Variants in NACC2 observed in about 807,000 individuals in gnomAD.
NACC2 encodes the protein NACC family member 2.
A neutral mutation model predicts 25.1 loss-of-function variants in NACC2; 8 were observed. That is an observed-to-expected ratio of 0.32 (90% CI 0.19 to 0.57). The LOEUF is 0.57. Among genes scored for constraint, NACC2 ranks in the 20% least tolerant of loss-of-function variants. The pLI, the probability that NACC2 is intolerant of heterozygous loss-of-function variation, is 0.89. For missense variants in NACC2, 644 were observed against 650.2 expected, an observed-to-expected ratio of 0.99 and a Z score of 0.10; for synonymous variants, 435 against 294.7, an observed-to-expected ratio of 1.48 and a Z score of -4.88.
rs1470194977 is a variant in NACC2, at chr9:136,047,022, GGCC to G, written c.886+2611_886+2613del. ...CTCCGGGACCCTCGGCAATCGCTCA[GGCC>G]CGCCTCTCACTCAACAGGTAGGGAG... On this transcript the variant is annotated intron_variant, in intron 2 of 5. Coordinates refer to ENST00000277554, the MANE Select transcript of NACC2 (RefSeq NM_144653.5). Among the ~76,000 whole-genome samples, 3 of 152,150 alleles carry G rather than the reference GGCC, an allele frequency of 2.0e-5. No individual in the cohort carries two copies. The East Asian group carries it at 5.8e-4, about 29-fold the overall frequency.
At chr9:136,033,028 A>G (rs749850290) in intron 2 of NACC2, among the ~76,000 whole-genome samples, 3 of 151,556 alleles carry the variant, frequency 2.0e-5, no homozygotes, top group Non-Finnish European at 4.4e-5. Context: ...AAAAAAAAAT[A>G]AGTTGGGCAT....
intron 3 of NACC2, among the ~76,000 whole-genome samples, chr9:136,016,010 A>ATGGTT (rs1840196432): frequency 6.6e-6 from 1 of 152,164 alleles, no homozygotes; most frequent in Non-Finnish European, 1.5e-5. Context: ...TGTGACCTAA[A>ATGGTT]TTAAAACACA....
chr9:136,061,545 C>T (rs1166742387), intron 1 of NACC2, among the ~76,000 whole-genome samples: 1 of 152,140 alleles, frequency 6.6e-6, no homozygotes, highest in Admixed American at 6.5e-5. Flanking sequence ...GATGGATGGG[C>T]CGTGCTGATT....
chr9:136,080,564 C>G (rs545340684), intron 1 of NACC2, among the ~76,000 whole-genome samples: 1 of 151,994 alleles, frequency 6.6e-6, no homozygotes, highest in Admixed American at 6.5e-5. Flanking sequence ...AGCGAAACTC[C>G]ATCTCCCCAC....
intron 1 of NACC2, among the ~76,000 whole-genome samples, chr9:136,085,435 C>T (rs369568496): frequency 1.3e-5 from 2 of 151,090 alleles, no homozygotes; most frequent in African/African-American, 2.4e-5. Flanking sequence ...GGGGAGATCA[C>T]CTGAGCCCGA....
intron 2 of NACC2, among the ~76,000 whole-genome samples, chr9:136,048,264 C>G (rs1330349964): frequency 6.6e-6 from 1 of 152,202 alleles, no homozygotes; most frequent in Non-Finnish European, 1.5e-5. Flanking sequence ...GGTCCCCTGC[C>G]TTCCCTGGGG....
At position 136,015,208 on chromosome 9, in the gene NACC2, C is replaced by T. The variant is rs996876922; in HGVS notation, c.1051+1057G>A. On this transcript the variant is annotated intron_variant, in intron 3 of 5. Transcript: ENST00000277554. ...CACAGCTGCTGGAGGCTGGGATGACCGAGAGCATCTTCCTGGGACCACACC... is the reference window on the plus strand; with the variant it reads ...CACAGCTGCTGGAGGCTGGGATGACTGAGAGCATCTTCCTGGGACCACACC... Among the ~76,000 whole-genome samples, 6 of 152,208 alleles carry T rather than the reference C, an allele frequency of 3.9e-5. No homozygotes were observed. The South Asian group carries it at 6.2e-4, about 16-fold the overall frequency.
chr9:136,093,844 C>T (rs928681729), intron 1 of NACC2, among the ~76,000 whole-genome samples: 2 of 152,146 alleles, frequency 1.3e-5, no homozygotes, highest in African/African-American at 2.4e-5. Context: ...GCTGCCTGAA[C>T]CCTGACCTAA....
chr9:136,051,098 G>T (rs1447713612), intron 1 of NACC2, among the ~76,000 whole-genome samples: 1 of 152,174 alleles, frequency 6.6e-6, no homozygotes, highest in Non-Finnish European at 1.5e-5. Flanking sequence ...TCTTCCCTCC[G>T]AGCAGCCTCG....
chr9:136,028,376 CTTTT>C (rs756007174), intron 2 of NACC2, among the ~76,000 whole-genome samples: 6 of 133,186 alleles, frequency 4.5e-5, no homozygotes, highest in Admixed American at 7.6e-5. Context: ...CCTTTGCTTC[CTTTT>C]TTTTTTTTTT....
intron 1 of NACC2, among the ~76,000 whole-genome samples, chr9:136,057,443 C>G (rs894378031): frequency 1.3e-5 from 2 of 152,212 alleles, no homozygotes; most frequent in African/African-American, 4.8e-5. Flanking sequence ...CCCCAGCCAG[C>G]AGACCCACTG....
intron 2 of NACC2, among the ~76,000 whole-genome samples, chr9:136,040,723 G>A (rs939714921): frequency 9.8e-5 from 15 of 152,330 alleles, no homozygotes; most frequent in African/African-American, 3.4e-4. Flanking sequence ...ACTTTGGGAA[G>A]CCAAGGCAGG....
chr9:136,074,147 T>C (rs534156895), intron 1 of NACC2, among the ~76,000 whole-genome samples: 1 of 151,722 alleles, frequency 6.6e-6, no homozygotes, highest in East Asian at 2.0e-4. Flanking sequence ...ACAAATAATT[T>C]GTTAAAAAAT....
At chr9:136,035,069 G>A (rs1840531864) in intron 2 of NACC2, among the ~76,000 whole-genome samples, 1 of 152,194 alleles carries the variant, frequency 6.6e-6, no homozygotes, top group Admixed American at 6.5e-5. Context: ...ACTCCAGCCT[G>A]GGTGACAGAG....
rs35009638 is a variant in NACC2 at position 136,068,919 on chromosome 9, C to CTT, written c.-59-18341_-59-18340dup. ...TTAAAAGACAGAGATTGAAAGAATACTTTTTTTTTTTTTTAAAGATGGAGT... is the reference window on the plus strand; with the variant it reads ...TTAAAAGACAGAGATTGAAAGAATACTTTTTTTTTTTTTTTTAAAGATGGAGT... On this transcript the variant is annotated intron_variant, in intron 1 of 5. Transcript: ENST00000277554. 2.1e-3 allele frequency among the ~76,000 whole-genome samples: 308 copies of CTT among 144,728 alleles called. 2 individuals carry two copies. Among genetic ancestry groups the CTT allele is most frequent in the Middle Eastern group, 7.0e-3 (2 of 284 alleles). The allele number at this position is 144,728 out of a possible 152,430, so 94.9% of individuals were successfully genotyped here.
In NACC2 at chr9:136,093,946, G is replaced by A. The variant is rs774680007; in HGVS notation, c.-60+1243C>T. ...CCACTGGAGAACAGGAGGGAAGGAG[G>A]TCAGGAGCCTGCCAGACGAAAAGAG... On this transcript the variant is annotated intron_variant, in intron 1 of 5. Coordinates refer to ENST00000277554, the MANE Select transcript of NACC2 (RefSeq NM_144653.5). 3.4e-4 allele frequency among the ~76,000 whole-genome samples: 52 copies of A among 152,348 alleles called. 1 individual carries two copies. Among genetic ancestry groups the A allele is most frequent in the Non-Finnish European group, 6.0e-4 (41 of 68,036 alleles).
rs376139565 is a variant in NACC2, at chr9:136,018,417, T to C, written c.887-1988A>G. The stretch of plus-strand genomic sequence containing the variant: ...AACCTTGGTTTCTGAGGACCCCACA[T>C]CCTGAATCCACAGCGGGCGCCCCAC... On this transcript the variant is annotated intron_variant, in intron 2 of 5. Coordinates refer to ENST00000277554, the MANE Select transcript of NACC2 (RefSeq NM_144653.5). This position sits in a 1 kb window ranked among gnomAD's most constrained non-coding sequence, Gnocchi z 4.4. Among the ~76,000 whole-genome samples, 3 of 151,954 alleles carry C rather than the reference T, an allele frequency of 2.0e-5. No individual in the cohort carries two copies. The highest frequency in any genetic ancestry group is 4.8e-5 in the African/African-American group (2 of 41,348).
chr9:136,029,126 C>T (rs532159934), intron 2 of NACC2, among the ~76,000 whole-genome samples: 3 of 152,272 alleles, frequency 2.0e-5, no homozygotes, highest in Admixed American at 6.5e-5. Context: ...CTGTCAGTTC[C>T]GCAGACTGGA....
intron 3 of NACC2, among the ~76,000 whole-genome samples, chr9:136,015,230 C>T (rs1415250939): frequency 1.3e-5 from 2 of 152,246 alleles, no homozygotes; most frequent in Non-Finnish European, 2.9e-5. Context: ...CCTGGGACCA[C>T]ACCTATGTGA....
Sources: gnomAD v4.1 joint callset for allele counts (sites outside exome capture counted in the v4.1 genomes callset) on GRCh38, gnomAD v4.1.1 for gene constraint, Gnocchi (gnomAD v3.1) non-coding constraint, MANE v1.5 for transcripts, NCBI Gene and HGNC (gene_info 2026-07-23, HGNC 2026-07-21) for gene names.